SGCG: variants seen among roughly 807,000 people sequenced by gnomAD.
SGCG encodes the protein gamma-sarcoglycan.
SGCG carries 26 observed loss-of-function variants against 29.3 expected under a neutral mutation model. The ratio of observed to expected loss-of-function variants is 0.89; its 90% confidence interval spans 0.65 to 1.23. The LOEUF (loss-of-function observed/expected upper bound fraction) is 1.23, where lower values mean the gene tolerates loss of function less well. Ranked by LOEUF, SGCG falls within the 50% of genes most tolerant of loss-of-function variation. The probability of loss-of-function intolerance (pLI) is 0.00; values close to 1 mark genes in which losing one functional copy is unlikely to be tolerated. For synonymous variants in SGCG, 145 were observed against 129.7 expected, an observed-to-expected ratio of 1.12 and a Z score of -0.80; for missense variants, 353 against 356.0, an observed-to-expected ratio of 0.99 and a Z score of 0.07.
At chr13:23,305,564 G>A (rs979015286) in intron 6 of SGCG, among the ~76,000 whole-genome samples, 1 of 152,186 alleles carries the variant, frequency 6.6e-6, no homozygotes, top group Non-Finnish European at 1.5e-5. Context: ...TGCAATGTGA[G>A]AAAGAAATGG....
intron 5 of SGCG, 115 bp from the exon 6 acceptor site, chr13:23,295,300 A>T (rs1367793078): frequency 1.1e-6 from 1 of 905,686 alleles, no homozygotes; most frequent in Non-Finnish European, 1.8e-6. Flanking sequence ...ATCTGCAAAA[A>T]TTCTGCAAGA....
At chr13:23,300,759 A>G (rs1882124237) in intron 6 of SGCG, among the ~76,000 whole-genome samples, 1 of 150,518 alleles carries the variant, frequency 6.6e-6, no homozygotes, top group South Asian at 2.1e-4. Flanking sequence ...CCCATCACAC[A>G]TGACATAAAG....
the SGCG span, among the ~76,000 whole-genome samples, chr13:23,166,694 G>A: frequency 6.6e-6 from 1 of 152,176 alleles, no homozygotes; most frequent in Non-Finnish European, 1.5e-5. Context: ...TGGGAGGTCT[G>A]CTCTGCACTT....
rs557643554 is a variant in SGCG, at chr13:23,321,205, A to G, written c.702+445A>G. On this transcript the variant is annotated intron_variant, in intron 7 of 7. Coordinates refer to ENST00000218867, the MANE Select transcript of SGCG (RefSeq NM_000231.3). ...TTTAAATGAAAATGAAAGATGAAAA[A>G]TAAGAGTGTTTTTTTCAAAGTCAAC... 1.4e-4 allele frequency among the ~76,000 whole-genome samples: 21 copies of G among 152,324 alleles called. No homozygotes were observed. In the East Asian group the frequency reaches 2.7e-3, roughly 20 times the overall value.
At chr13:23,211,171 G>C (rs952979667) in intron 2 of SGCG, among the ~76,000 whole-genome samples, 1 of 152,142 alleles carries the variant, frequency 6.6e-6, no homozygotes, top group African/African-American at 2.4e-5. Context: ...GATGCCTGCT[G>C]CGAGGCAAGG....
At chr13:23,273,671 G>T (rs947528452) in intron 4 of SGCG, among the ~76,000 whole-genome samples, 1 of 152,118 alleles carries the variant, frequency 6.6e-6, no homozygotes, top group African/African-American at 2.4e-5. Context: ...TGGGTGAATG[G>T]GTCTTTTTGC....
chr13:23,252,409 C>T (rs973444728), intron 4 of SGCG, among the ~76,000 whole-genome samples: 6 of 151,970 alleles, frequency 3.9e-5, no homozygotes, highest in African/African-American at 9.7e-5. Flanking sequence ...AATTAATTAG[C>T]GGCCGGGCAC....
chr13:23,310,078 C>G (rs1384814761), intron 6 of SGCG, among the ~76,000 whole-genome samples: 1 of 60,780 alleles, frequency 1.6e-5, no homozygotes, highest in African/African-American at 6.8e-5. Flanking sequence ...TTGTTTTTCT[C>G]TTTTTTTTTT....
At chr13:23,282,946 C>T (rs9580590) in intron 5 of SGCG, among the ~76,000 whole-genome samples, 65,651 of 151,778 alleles carry the variant, frequency 0.43, 14,994 homozygotes, top group Middle Eastern at 0.65. Flanking sequence ...TTTCTTAATC[C>T]TGAGTCCTAA....
intron 4 of SGCG, chr13:23,267,398 G>A (rs1470566598): frequency 2.0e-5 from 3 of 152,312 alleles, no homozygotes; most frequent in Non-Finnish European, 2.9e-5. Context: ...AGCTGGTGAT[G>A]TTTGTAGCAC....
chr13:23,292,353 G>A (rs1037148354), intron 5 of SGCG, among the ~76,000 whole-genome samples: 3 of 152,158 alleles, frequency 2.0e-5, no homozygotes, highest in Non-Finnish European at 4.4e-5. Flanking sequence ...CAAGTGATCT[G>A]CCTGCCTTGG....
intron 5 of SGCG, among the ~76,000 whole-genome samples, chr13:23,289,265 A>G (rs1301630593): frequency 1.3e-5 from 2 of 152,216 alleles, no homozygotes; most frequent in Non-Finnish European, 2.9e-5. Context: ...AAGAGTCCCA[A>G]TTAAAACAGG....
chr13:23,182,063 A>AG lies in SGCG; in HGVS notation c.-1+988_-1+989insG, dbSNP rs534244223. Among the ~76,000 whole-genome samples, 680 of 152,378 alleles carry AG rather than the reference A, an allele frequency of 4.5e-3. 1 individual carries two copies. Among genetic ancestry groups the AG allele is most frequent in the Non-Finnish European group, 7.1e-3 (485 of 68,034 alleles). On this transcript the variant is annotated intron_variant, in intron 1 of 7. Coordinates refer to ENST00000218867, the MANE Select transcript of SGCG (RefSeq NM_000231.3). The stretch of plus-strand genomic sequence containing the variant: ...AAGTAGCATTTCAATGTAGTTAGAT[A>AG]TAGCATTCCAAAGACTAACAAATTC...
chr13:23,286,296 A>G (rs147608772), intron 5 of SGCG, among the ~76,000 whole-genome samples: 12 of 152,352 alleles, frequency 7.9e-5, no homozygotes, highest in East Asian at 7.7e-4. Context: ...CAAAAGATGT[A>G]GGGTTTAGGA....
intron 1 of SGCG, among the ~76,000 whole-genome samples, chr13:23,189,931 A>G (rs1432766917): frequency 6.6e-6 from 1 of 152,214 alleles, no homozygotes; most frequent in Non-Finnish European, 1.5e-5. Context: ...AATAGTGGTT[A>G]TGCTCAAAGG....
rs749843245 is a variant in SGCG at position 23,234,706 on chromosome 13, C to T, written c.291C>T (p.Ser97=). ...CATTGTATGCCAAAGAAATACACTC[C>T]AGAGTGGTAAGAAAATGTTAAGACA... ...LFPLYAKEIH[S]RVDSSLLLQS... is the part of the protein sequence containing the mutation. Residue 97 remains serine, a synonymous_variant, in exon 3 of 8, where the codon TCC becomes TCT. Coordinates refer to ENST00000218867, the MANE Select transcript of SGCG (RefSeq NM_000231.3). 1.9e-6 allele frequency: 3 copies of T among 1,567,120 alleles called. No individual in the cohort carries two copies. Among genetic ancestry groups the T allele is most frequent in the East Asian group, 2.2e-5 (1 of 44,592 alleles).
intron 5 of SGCG, among the ~76,000 whole-genome samples, chr13:23,284,572 C>CA (rs1409390383): frequency 1.3e-5 from 2 of 152,076 alleles, no homozygotes; most frequent in Admixed American, 1.3e-4. Context: ...CTCAGACAAG[C>CA]TTGTTATTAC....
chr13:23,316,549 C>A (rs1882818512), intron 6 of SGCG, among the ~76,000 whole-genome samples: 1 of 152,148 alleles, frequency 6.6e-6, no homozygotes, highest in African/African-American at 2.4e-5. Context: ...AGGGCTGGGG[C>A]AGAGTTCTCC....
In SGCG at chr13:23,271,333, T is replaced by C. The variant is rs116454856; in HGVS notation, c.386-8026T>C. ...CACTAGTCCAGTGGTGTCCAGTCTT[T>C]TGCCTTCCCTGGGCCACACTGGAAG... On this transcript the variant is annotated intron_variant, in intron 4 of 7. Coordinates refer to ENST00000218867, the MANE Select transcript of SGCG (RefSeq NM_000231.3). Among the ~76,000 whole-genome samples the C allele has an allele frequency of 8.5e-3, 1,292 of 152,316 alleles. 19 individuals are homozygous for C. Among genetic ancestry groups the C allele is most frequent in the African/African-American group, 0.029 (1,195 of 41,552 alleles).
Sources: gnomAD v4.1 joint callset for allele counts (sites outside exome capture counted in the v4.1 genomes callset) on GRCh38, gnomAD v4.1.1 for gene constraint, MANE v1.5 for transcripts, NCBI Gene and HGNC (gene_info 2026-07-23, HGNC 2026-07-21) for gene names.